Variants in RP1 observed in about 807,000 individuals in gnomAD.
RP1 encodes RP1 axonemal microtubule associated.
A neutral mutation model predicts 14.8 loss-of-function variants in RP1; 16 were observed. The ratio of observed to expected loss-of-function variants is 1.08; its 90% confidence interval spans 0.73 to 1.65. The LOEUF is 1.65. RP1 is among the 40% of genes most tolerant of loss of function. RP1 has a pLI of 0.00. For missense variants in RP1, 2,631 were observed against 2,535.0 expected, an observed-to-expected ratio of 1.04 and a Z score of -0.81; for synonymous variants, 876 against 883.6, an observed-to-expected ratio of 0.99 and a Z score of 0.15.
Position 54,748,029 on chromosome 8 carries a change from C to T in RP1, c.2809-6774C>T, listed in dbSNP as rs980307039. 9.2e-5 allele frequency among the ~76,000 whole-genome samples: 14 copies of T among 152,316 alleles called. 1 individual carries two copies. The highest frequency in any genetic ancestry group is 5.8e-4 in the East Asian group (3 of 5,190). On this transcript the variant is annotated intron_variant, in intron 19 of 22. Transcript: ENST00000636932. ...ATTCTCTTGAAGCTTTTTGATTCTT[C>T]TAAGTCTTTGAATTGAAGTGGGTCA...
intron 1 of RP1, among the ~76,000 whole-genome samples, chr8:54,606,290 C>A (rs1003883320): frequency 3.9e-5 from 6 of 152,192 alleles, no homozygotes; most frequent in Admixed American, 2.0e-4. Flanking sequence ...TTTATTTCTC[C>A]TTCACTTATG....
rs957535260 is a variant in RP1, at chr8:54,861,544, G to A, written c.4070-4291G>A. 9.2e-5 allele frequency among the ~76,000 whole-genome samples: 14 copies of A among 152,136 alleles called. No individual in the cohort carries two copies. In the East Asian group the frequency reaches 2.3e-3, roughly 25 times the overall value. On this transcript the variant is annotated intron_variant, in intron 27 of 28. Coordinates refer to the RP1 transcript ENST00000637698. ...TCTGTCCATCTCTTGTTAATGCATA[G>A]TTGTGTTGTTTCCAGTTTGACTGTT... is the stretch of plus-strand genomic sequence containing the variant.
At chr8:54,658,570 A>AAT (rs1563339937) in intron 6 of RP1, among the ~76,000 whole-genome samples, 1 of 151,086 alleles carries the variant, frequency 6.6e-6, no homozygotes, top group African/African-American at 2.4e-5. Flanking sequence ...AAAAAAAAAA[A>AAT]AGACTGCGTA....
intron 24 of RP1, among the ~76,000 whole-genome samples, chr8:54,795,844 T>G (rs967348009): frequency 1.4e-4 from 21 of 152,190 alleles, no homozygotes; most frequent in African/African-American, 5.1e-4. Context: ...AACAGGCTTA[T>G]GTTTTTCCTG....
intron 1 of RP1, among the ~76,000 whole-genome samples, chr8:54,571,744 A>C (rs1426845991): frequency 6.6e-6 from 1 of 152,170 alleles, no homozygotes; most frequent in Non-Finnish European, 1.5e-5. Flanking sequence ...TCCTAAGGGC[A>C]GTGAGGGAGG....
At chr8:54,573,030 A>T (rs1447197440) in intron 1 of RP1, among the ~76,000 whole-genome samples, 1 of 152,162 alleles carries the variant, frequency 6.6e-6, no homozygotes, top group Non-Finnish European at 1.5e-5. Flanking sequence ...TAGTGTCTTG[A>T]CTATAAATAG....
chr8:54,843,568 T>G (rs72650373), intron 25 of RP1, among the ~76,000 whole-genome samples: 37,324 of 152,180 alleles, frequency 0.25, 5,262 homozygotes, highest in Middle Eastern at 0.45. Flanking sequence ...CTGATTTTTT[T>G]GGGCCGTATC....
rs1355889696 is a variant in RP1 at position 54,621,271 on chromosome 8, A to C, written c.305A>C (p.Glu102Ala). 4.3e-6 allele frequency: 7 copies of C among 1,613,928 alleles called. No individual in the cohort carries two copies. In the Admixed American group the frequency reaches 6.7e-5, roughly 15 times the overall value. ...ITRLEELEDG[E>A]SYLCSHGRKV... ...CGCCTGGAGGAGCTGGAGGACGGCGAGTCCTACCTATGTTCCCACGGCAGG... is the reference window on the plus strand; with the variant it reads ...CGCCTGGAGGAGCTGGAGGACGGCGCGTCCTACCTATGTTCCCACGGCAGG... Residue 102 changes from glutamate (E) to alanine (A), a missense_variant, in exon 2 of 4, where the codon GAG becomes GCG. Physicochemically the swap from Glu to Ala is moderately radical, Grantham distance 107. Transcript: ENST00000220676.
intron 24 of RP1, among the ~76,000 whole-genome samples, chr8:54,817,271 C>T (rs1190133947): frequency 1.3e-5 from 2 of 152,094 alleles, no homozygotes; most frequent in Non-Finnish European, 2.9e-5. Context: ...GAGAGACAGA[C>T]TGAATACATG....
chr8:54,709,781 A>G (rs1808253319), intron 15 of RP1, among the ~76,000 whole-genome samples: 1 of 152,198 alleles, frequency 6.6e-6, no homozygotes, highest in South Asian at 2.1e-4. Flanking sequence ...AAGGCAACAC[A>G]TGTGTGTAAA....
chr8:54,579,746 C>T (rs1804738053), intron 1 of RP1, among the ~76,000 whole-genome samples: 1 of 152,208 alleles, frequency 6.6e-6, no homozygotes, highest in South Asian at 2.1e-4. Context: ...GAAGCAGGGA[C>T]CTCTCTATCC....
intron 24 of RP1, among the ~76,000 whole-genome samples, chr8:54,824,697 A>C (rs1034696873): frequency 6.6e-6 from 1 of 152,218 alleles, no homozygotes; most frequent in African/African-American, 2.4e-5. Flanking sequence ...GCATCCTACA[A>C]AAAAAGAATT....
intron 16 of RP1, among the ~76,000 whole-genome samples, chr8:54,723,837 CCTAT>C (rs1212894139): frequency 2.0e-5 from 3 of 152,006 alleles, no homozygotes; most frequent in South Asian, 2.1e-4. Flanking sequence ...AAAGAGTGAA[CCTAT>C]CTATGTTTTT....
upstream of RP1, among the ~76,000 whole-genome samples, chr8:54,613,150 G>A (rs1304968334): frequency 2.0e-5 from 3 of 152,248 alleles, no homozygotes; most frequent in East Asian, 3.9e-4. Context: ...GAAGGGGAAT[G>A]GGTTTTTACA....
intron 1 of RP1, among the ~76,000 whole-genome samples, chr8:54,606,374 A>T (rs1456314239): frequency 2.0e-5 from 3 of 151,456 alleles, no homozygotes; most frequent in Non-Finnish European, 4.4e-5. Context: ...ATTGGCCCCC[A>T]CTCTCTTCTG....
intron 4 of RP1, chr8:54,652,666 T>C (rs1806679057): frequency 8.6e-6 from 6 of 695,478 alleles, no homozygotes; most frequent in South Asian, 8.4e-5. Flanking sequence ...TTTATAATTC[T>C]TATGTCTTCT....
rs1806192934 is a variant in RP1, at chr8:54,629,659, A to G, written c.5777A>G (p.Gln1926Arg). The change falls in exon 4 of 4, where the codon CAA becomes CGA. Residue 1926 changes from glutamine (Q) to arginine (R), a missense_variant. Gln to Arg is a conservative substitution (Grantham distance 43, BLOSUM62 1). Transcript: ENST00000220676. ...TGCCCAATACTAACTGTTATTATCC[A>G]ACCCATGAATGAGGAAGACCGAGGA... Reference protein sequence around the residue: ...QHCPILTVIIQPMNEEDRGFA... With the variant: ...QHCPILTVIIRPMNEEDRGFA... 1 of 1,613,982 alleles carries G rather than the reference A, an allele frequency of 6.2e-7. No homozygotes were observed. Among genetic ancestry groups the G allele is most frequent in the African/African-American group, 1.3e-5 (1 of 75,060 alleles).
At chr8:54,822,424 A>T (rs538428527) in intron 24 of RP1, among the ~76,000 whole-genome samples, 1 of 152,202 alleles carries the variant, frequency 6.6e-6, no homozygotes, top group Non-Finnish European at 1.5e-5. Context: ...TGAAAGAAAG[A>T]AATTAGAAAA....
At chr8:54,773,081 A>G (rs10958428), downstream of RP1, among the ~76,000 whole-genome samples, 59,460 of 151,880 alleles carry the variant, frequency 0.39, 12,424 homozygotes, top group African/African-American at 0.53. Context: ...CAAAAGTCTC[A>G]GGTCCAGTTC....
Sources: allele counts gnomAD v4.1 joint callset (sites outside exome capture counted in the v4.1 genomes callset), GRCh38; gene constraint gnomAD v4.1.1; transcripts MANE v1.5; gene names NCBI Gene and HGNC (gene_info 2026-07-23, HGNC 2026-07-21).